The following NDE1 variants were observed in gnomAD, a reference collection of about 807,000 sequenced individuals.
NDE1 encodes the protein nudE neurodevelopment protein 1.
In NDE1, 28 loss-of-function variants were observed where a neutral mutation model predicts 43.4. That is an observed-to-expected ratio of 0.65 (90% CI 0.48 to 0.89). The LOEUF is 0.89. NDE1 is among the 40% of genes least tolerant of loss of function. NDE1 has a pLI of 0.00. For synonymous variants in NDE1, 184 were observed against 172.0 expected, an observed-to-expected ratio of 1.07 and a Z score of -0.55; for missense variants, 441 against 434.1, an observed-to-expected ratio of 1.02 and a Z score of -0.14.
Position 15,694,278 on chromosome 16 carries a change from G to A in NDE1, c.795+22G>A, listed in dbSNP as rs370039363. 2.6e-5 allele frequency: 42 copies of A among 1,609,908 alleles called. No individual in the cohort carries two copies. In the East Asian group the frequency reaches 7.9e-4, roughly 30 times the overall value. ...CGGGGTAAGACCACACTTTCCTGGC[G>A]TTTGGTGCCTTCCTGCCTGTCTTTC... On this transcript the variant is annotated intron_variant, in intron 7 of 8. Transcript: ENST00000396354.
At chr16:15,647,239 T>C (rs1296973311), upstream of NDE1, among the ~76,000 whole-genome samples, 1 of 152,114 alleles carries the variant, frequency 6.6e-6, no homozygotes, top group Non-Finnish European at 1.5e-5. Flanking sequence ...GAGTTCAAAG[T>C]AGAATTTGAG....
intron 8 of NDE1, chr16:15,717,621 C>A (rs982267115): frequency 2.1e-5 from 12 of 562,700 alleles, no homozygotes; most frequent in Non-Finnish European, 3.5e-5. Flanking sequence ...ATGGTGAAAC[C>A]CCGTCTCTAT....
intron 8 of NDE1, chr16:15,714,693 T>C (rs913969928): frequency 1.6e-6 from 1 of 636,048 alleles, no homozygotes; most frequent in South Asian, 1.9e-5. Flanking sequence ...TTAAAGGATC[T>C]AGAAGGTTAG....
rs201884482 is a variant in NDE1 at position 15,684,237 on chromosome 16, G to GA, written c.387-3129dup. ...CAGAGTGAGACTTCATCTCAAAAAA[G>GA]AAAAAAAAAGGTGAAAGGATGACTT... is the stretch of plus-strand genomic sequence containing the variant. On this transcript the variant is annotated intron_variant, in intron 4 of 8. Transcript: ENST00000396354. 675 of 149,172 alleles carry GA rather than the reference G, an allele frequency of 4.5e-3. 4 individuals carry two copies. The highest frequency in any genetic ancestry group is 0.016 in the African/African-American group (638 of 40,636). The allele number at this position is 149,172 out of a possible 1,614,324, so 9.2% of individuals were successfully genotyped here.
At chr16:15,719,851 C>T (rs2040373406) in intron 8 of NDE1, 3 of 1,305,554 alleles carry the variant, frequency 2.3e-6, no homozygotes, top group Middle Eastern at 2.6e-4. Flanking sequence ...GAGCATGGCT[C>T]TCAGTTCCAG....
rs779289147 is a variant in NDE1 at position 15,694,192 on chromosome 16, C to T, written c.731C>T (p.Pro244Leu). 11 of 1,613,130 alleles carry T rather than the reference C, an allele frequency of 6.8e-6. No homozygotes were observed. Among genetic ancestry groups the T allele is most frequent in the Middle Eastern group, 1.9e-4 (1 of 5,240 alleles). Residue 244 changes from proline (P) to leucine (L), a missense_variant, in exon 7 of 9, where the codon CCC becomes CTC. Coordinates refer to ENST00000396354, the MANE Select transcript of NDE1 (RefSeq NM_017668.3). The part of the protein sequence containing the change: ...RGLDDSTGGT[P>L]LTPAARISAL... ...CTGGACGACTCCACCGGGGGGACCC[C>T]CCTCACACCTGCGGCCCGGATATCA...
chr16:15,696,355 G>C lies in NDE1; in HGVS notation c.796-354G>C, dbSNP rs866506160. ...CTCACCAGTGCACTCCAGCCTGGGTGACACAGCGTCTAAAAAAGTAAAAAA... is the reference window on the plus strand; with the variant it reads ...CTCACCAGTGCACTCCAGCCTGGGTCACACAGCGTCTAAAAAAGTAAAAAA... On this transcript the variant is annotated intron_variant, in intron 7 of 8. Coordinates refer to ENST00000396354, the MANE Select transcript of NDE1 (RefSeq NM_017668.3). 6.0e-5 allele frequency among the ~76,000 whole-genome samples: 9 copies of C among 150,778 alleles called. No homozygotes were observed. The South Asian group carries it at 1.5e-3, about 25-fold the overall frequency.
chr16:15,681,202 T>G (rs1327211579), intron 4 of NDE1, among the ~76,000 whole-genome samples: 1 of 149,412 alleles, frequency 6.7e-6, no homozygotes, highest in Non-Finnish European at 1.5e-5. Flanking sequence ...AATTTTATTT[T>G]TATTTTCTTT....
At chr16:15,715,240 T>A in intron 8 of NDE1, 1 of 1,614,170 alleles carries the variant, frequency 6.2e-7, no homozygotes, top group South Asian at 1.1e-5. Flanking sequence ...CTTGTCTTTC[T>A]GCTTCAGCGA....
At chr16:15,677,456 G>A (rs2151068298) in intron 3 of NDE1, among the ~76,000 whole-genome samples, 1 of 152,152 alleles carries the variant, frequency 6.6e-6, no homozygotes, top group Non-Finnish European at 1.5e-5. Flanking sequence ...ATTGTTGGTG[G>A]GTGGCTGTAT....
intron 8 of NDE1, chr16:15,699,458 C>G (rs1056456126): frequency 2.3e-6 from 2 of 878,950 alleles, no homozygotes; most frequent in African/African-American, 3.6e-5. Context: ...GAGACAGGGT[C>G]TCACTATGTT....
intron 3 of NDE1, among the ~76,000 whole-genome samples, chr16:15,673,280 G>T (rs920363392): frequency 2.0e-5 from 3 of 152,016 alleles, no homozygotes; most frequent in African/African-American, 2.4e-5. Context: ...CACAATCTTG[G>T]CTCACTGCAA....
upstream of NDE1, among the ~76,000 whole-genome samples, chr16:15,646,241 G>A (rs765246766): frequency 6.6e-6 from 1 of 152,168 alleles, no homozygotes; most frequent in Non-Finnish European, 1.5e-5. Context: ...GAGGTGATTA[G>A]TTCCTGTCCA....
At chr16:15,686,039 CCTT>C (rs1754086906) in intron 4 of NDE1, among the ~76,000 whole-genome samples, 1 of 151,604 alleles carries the variant, frequency 6.6e-6, no homozygotes, top group Non-Finnish European at 1.5e-5. Flanking sequence ...GCAACATTCA[CCTT>C]CTGGGTTCAA....
At chr16:15,704,150 T>TTAA (rs1273794768) in intron 8 of NDE1, 6 of 1,613,352 alleles carry the variant, frequency 3.7e-6, no homozygotes, top group Non-Finnish European at 5.1e-6. Flanking sequence ...AACACATTAT[T>TTAA]TAGCAAAGAA....
At chr16:15,718,120 G>A in intron 8 of NDE1, 1 of 815,520 alleles carries the variant, frequency 1.2e-6, no homozygotes, top group Non-Finnish European at 1.9e-6. Context: ...GCAGCGTGGA[G>A]AGGAGTATTC....
At chr16:15,679,539 A>G (rs1333029756) in intron 4 of NDE1, among the ~76,000 whole-genome samples, 3 of 152,088 alleles carry the variant, frequency 2.0e-5, no homozygotes, top group Non-Finnish European at 4.4e-5. Flanking sequence ...TTGAATTTTC[A>G]ATATATTGTA....
At chr16:15,682,676 T>A (rs958929050) in intron 4 of NDE1, among the ~76,000 whole-genome samples, 49 of 152,186 alleles carry the variant, frequency 3.2e-4, no homozygotes, top group Non-Finnish European at 4.4e-4. Flanking sequence ...TTACAAAAAT[T>A]CAAATAGATT....
At chr16:15,671,618 C>T (rs1351004796) in intron 3 of NDE1, among the ~76,000 whole-genome samples, 2 of 152,156 alleles carry the variant, frequency 1.3e-5, no homozygotes, top group Non-Finnish European at 2.9e-5. Flanking sequence ...CTGTACTTGG[C>T]CCACTTCACC....
Sources: allele counts gnomAD v4.1 joint callset (sites outside exome capture counted in the v4.1 genomes callset), GRCh38; gene constraint gnomAD v4.1.1; transcripts MANE v1.5; gene names NCBI Gene and HGNC (gene_info 2026-07-23, HGNC 2026-07-21).